CDH4: variants seen among roughly 807,000 people sequenced by gnomAD.
The protein encoded by CDH4 is cadherin-4.
A neutral mutation model predicts 86.0 loss-of-function variants in CDH4; 33 were observed. The ratio of observed to expected loss-of-function variants is 0.38; its 90% confidence interval spans 0.29 to 0.51. CDH4 has a LOEUF of 0.51. Ranked by LOEUF, CDH4 falls within the 20% of genes least tolerant of loss-of-function variation. The pLI, the probability that CDH4 is intolerant of heterozygous loss-of-function variation, is 0.86. For synonymous variants in CDH4, 555 were observed against 549.4 expected (o/e 1.01, Z -0.14); for missense variants, 1,114 against 1,307.4 (o/e 0.85, Z 2.28).
At chr20:61,768,801 A>G (rs745832970) in intron 3 of CDH4, among the ~76,000 whole-genome samples, 5 of 152,254 alleles carry the variant, frequency 3.3e-5, no homozygotes, top group Non-Finnish European at 7.3e-5. Flanking sequence ...TTTGTCTCAC[A>G]GCTTTAAAAT....
chr20:61,330,757 G>A (rs932433396), intron 2 of CDH4, among the ~76,000 whole-genome samples: 27 of 152,170 alleles, frequency 1.8e-4, no homozygotes, highest in South Asian at 2.1e-4. Flanking sequence ...AGTGACTTTC[G>A]TATAAGAGCA....
At chr20:61,724,665 TG>T (rs1476254365) in intron 2 of CDH4, among the ~76,000 whole-genome samples, 1 of 152,136 alleles carries the variant, frequency 6.6e-6, no homozygotes, top group Non-Finnish European at 1.5e-5. Context: ...GCAGTCAAGA[TG>T]GGAAGATTCT....
chr20:61,556,153 G>A (rs1310648057), intron 2 of CDH4, among the ~76,000 whole-genome samples: 2 of 152,220 alleles, frequency 1.3e-5, no homozygotes, highest in Admixed American at 6.5e-5. Context: ...TTGAACTTCA[G>A]CAACAAGAAT....
chr20:61,528,526 T>A (rs1337755605), intron 2 of CDH4, among the ~76,000 whole-genome samples: 2 of 149,506 alleles, frequency 1.3e-5, no homozygotes, highest in African/African-American at 5.0e-5. Context: ...TCCCAGCACT[T>A]TGGGAAGTCA....
At chr20:61,690,619 G>C (rs767211570) in intron 2 of CDH4, among the ~76,000 whole-genome samples, 1 of 152,120 alleles carries the variant, frequency 6.6e-6, no homozygotes, top group Non-Finnish European at 1.5e-5. Context: ...TGCTCTGAGC[G>C]TTGGACCTGA....
At chr20:61,705,754 C>T (rs1046515136) in intron 2 of CDH4, among the ~76,000 whole-genome samples, 1 of 152,254 alleles carries the variant, frequency 6.6e-6, no homozygotes, top group African/African-American at 2.4e-5. Flanking sequence ...TGAGTGTGAG[C>T]CCAGTGATGT....
At chr20:61,356,956 C>T (rs2123311769) in intron 2 of CDH4, among the ~76,000 whole-genome samples, 1 of 152,314 alleles carries the variant, frequency 6.6e-6, no homozygotes, top group South Asian at 2.1e-4. Flanking sequence ...ATCTCAAAGG[C>T]AGCCCATGTG....
At chr20:61,644,605 C>A (rs908354786) in intron 2 of CDH4, among the ~76,000 whole-genome samples, 1 of 152,184 alleles carries the variant, frequency 6.6e-6, no homozygotes, top group Non-Finnish European at 1.5e-5. Context: ...GGTCACGGAG[C>A]GGGCTCAGGA....
chr20:61,698,659 G>A (rs376039915), intron 2 of CDH4, among the ~76,000 whole-genome samples: 8 of 152,344 alleles, frequency 5.3e-5, no homozygotes, highest in African/African-American at 1.7e-4. Context: ...TGGTGCTGCC[G>A]ACATGTGGGG....
chr20:61,897,885 G>A (rs574212617), intron 8 of CDH4, among the ~76,000 whole-genome samples: 7 of 152,340 alleles, frequency 4.6e-5, no homozygotes, highest in East Asian at 1.9e-4. Flanking sequence ...CAGTGTCTGC[G>A]GCACCTCCCA....
chr20:61,575,388 A>C (rs1247249402), intron 2 of CDH4, among the ~76,000 whole-genome samples: 1 of 152,242 alleles, frequency 6.6e-6, no homozygotes, highest in African/African-American at 2.4e-5. Flanking sequence ...TATGGCAGAC[A>C]CCATAAAACA....
At chr20:61,255,375 A>T (rs2084093260) in intron 2 of CDH4, among the ~76,000 whole-genome samples, 1 of 152,246 alleles carries the variant, frequency 6.6e-6, no homozygotes, top group Non-Finnish European at 1.5e-5. Flanking sequence ...CCCCACTGAC[A>T]ACACGAAAAC....
At chr20:61,653,271 A>G (rs1303306679) in intron 2 of CDH4, among the ~76,000 whole-genome samples, 1 of 133,112 alleles carries the variant, frequency 7.5e-6, no homozygotes, top group East Asian at 2.0e-4. Context: ...ACAGATCAAC[A>G]GGATCCCAAG....
chr20:61,611,596 G>C (rs746341908), intron 2 of CDH4, among the ~76,000 whole-genome samples: 32 of 152,072 alleles, frequency 2.1e-4, no homozygotes, highest in South Asian at 8.3e-4. Flanking sequence ...GGCCACATTT[G>C]GGTTCACTGC....
chr20:61,562,008 G>A (rs2086220034), intron 2 of CDH4, among the ~76,000 whole-genome samples: 3 of 150,388 alleles, frequency 2.0e-5, no homozygotes, highest in African/African-American at 7.3e-5. Context: ...GGACCCCAGG[G>A]CTCCCGGAGA....
Position 61,709,384 on chromosome 20 carries a change from C to T in CDH4, c.170-34179C>T, listed in dbSNP as rs2087865987. Among the ~76,000 whole-genome samples the T allele has an allele frequency of 6.6e-6, 1 of 152,290 alleles. No individual in the cohort carries two copies. The highest frequency in any genetic ancestry group is 2.4e-5 in the African/African-American group (1 of 41,554). The stretch of plus-strand genomic sequence containing the variant: ...CCGCCTCCTGGGTTCAAGCAATTCT[C>T]CTGCCTCAGCCACCCAAGTAGTTGG... On this transcript the variant is annotated intron_variant, in intron 2 of 15. Transcript: ENST00000614565. This position sits in a 1 kb window ranked among gnomAD's most constrained non-coding sequence, Gnocchi z 4.8.
At chr20:61,736,628 G>T (rs1303084030) in intron 2 of CDH4, among the ~76,000 whole-genome samples, 1 of 150,242 alleles carries the variant, frequency 6.7e-6, no homozygotes, top group Non-Finnish European at 1.5e-5. Context: ...GAGAGGGAGG[G>T]AGGGAGGAAG....
intron 2 of CDH4, among the ~76,000 whole-genome samples, chr20:61,696,897 A>G (rs1269890190): frequency 6.6e-6 from 1 of 152,212 alleles, no homozygotes; most frequent in African/African-American, 2.4e-5. Flanking sequence ...AGGGGTCCTT[A>G]CGAGAGACGC....
intron 6 of CDH4, among the ~76,000 whole-genome samples, chr20:61,860,751 A>G (rs1187571952): frequency 6.6e-6 from 1 of 152,172 alleles, no homozygotes; most frequent in African/African-American, 2.4e-5. Context: ...AGGGTTGGCT[A>G]CAAGCCACAG....
Sources: allele counts gnomAD v4.1 joint callset (sites outside exome capture counted in the v4.1 genomes callset), GRCh38; gene constraint gnomAD v4.1.1; non-coding constraint Gnocchi (gnomAD v3.1); transcripts MANE v1.5; gene names NCBI Gene and HGNC (gene_info 2026-07-23, HGNC 2026-07-21).